Variants in SURF6 observed in about 807,000 individuals in gnomAD.
SURF6 encodes surfeit locus protein 6.
A neutral mutation model predicts 37.5 loss-of-function variants in SURF6; 28 were observed. The observed-to-expected ratio is 0.75, with a 90% CI of 0.55 to 1.02. The LOEUF (loss-of-function observed/expected upper bound fraction) is 1.02, where lower values mean the gene tolerates loss of function less well. SURF6 is among the 50% of genes least tolerant of loss of function. The probability of loss-of-function intolerance (pLI) is 0.00; values close to 1 mark genes in which losing one functional copy is unlikely to be tolerated. For synonymous variants in SURF6, 248 were observed against 210.9 expected, an observed-to-expected ratio of 1.18 and a Z score of -1.52; for missense variants, 560 against 490.5, an observed-to-expected ratio of 1.14 and a Z score of -1.34.
At chr9:133,332,420 G>A in intron 4 of SURF6, 72 bp from the exon 5 acceptor site, 1 of 1,529,482 alleles carries the variant, frequency 6.5e-7, no homozygotes, top group Non-Finnish European at 8.7e-7. Flanking sequence ...TACCCTAAGG[G>A]ACCTGCGAGG....
In SURF6 at chr9:133,328,821, G is replaced by GT. The variant is rs1423793677; in HGVS notation, c.*3047dup. ...ATTATTGTCTAAAATCTTGACATTG[G>GT]TATTTGTAGGGACCAGCCCCACAGG... On this transcript the variant is annotated 3_prime_UTR_variant, in exon 5 of 5. Transcript: ENST00000372022. The GT allele has an allele frequency of 6.6e-6, 1 of 152,190 alleles. No individual in the cohort carries two copies. Among genetic ancestry groups the GT allele is most frequent in the Non-Finnish European group, 1.5e-5 (1 of 68,064 alleles). The allele number at this position is 152,190 out of a possible 1,614,324, so 9.4% of individuals were successfully genotyped here.
chr9:133,334,751 A>C, intron 1 of SURF6, 150 bp from the exon 2 acceptor site: 1 of 878,910 alleles, frequency 1.1e-6, no homozygotes, highest in Non-Finnish European at 1.7e-6. Flanking sequence ...TCAGAACCAC[A>C]ACCTTGACCC....
chr9:133,332,886 G>T, intron 3 of SURF6, 126 bp from the exon 4 acceptor site: 2 of 888,440 alleles, frequency 2.3e-6, no homozygotes, highest in Middle Eastern at 3.5e-4. Flanking sequence ...CAAGGGGCCC[G>T]CGGAGTTCAA....
At position 133,333,769 on chromosome 9, in the gene SURF6, C is replaced by T. The variant is rs2129924763; in HGVS notation, c.342G>A (p.Leu114=). 1 of 1,613,998 alleles carries T rather than the reference C, an allele frequency of 6.2e-7. No individual in the cohort carries two copies. The highest frequency in any genetic ancestry group is 8.5e-7 in the Non-Finnish European group (1 of 1,179,980). The change falls in exon 3 of 5, where the codon CTG becomes CTA. Residue 114 remains leucine (L), a synonymous_variant. Transcript: ENST00000372022. ...CATGCAGTCGCTGTCGCAGAACATC[C>T]AGAGCAAAGACAGACTCAGGCTCAG... is the stretch of plus-strand genomic sequence containing the variant. ...LATEPESVFA[L]DVLRQRLHEK...
In SURF6 at chr9:133,330,149, A is replaced by AT. The variant is rs1722871951; in HGVS notation, c.*1719dup. The AT allele has an allele frequency of 6.6e-6, 1 of 152,126 alleles. No individual in the cohort carries two copies. Among genetic ancestry groups the AT allele is most frequent in the South Asian group, 2.1e-4 (1 of 4,832 alleles). 9.4% of individuals were successfully genotyped at this position (152,126 alleles called of 1,614,324 possible). On this transcript the variant is annotated 3_prime_UTR_variant, in exon 5 of 5. Coordinates refer to ENST00000372022, the MANE Select transcript of SURF6 (RefSeq NM_006753.6). ...CTTTAAAAATACAGACATACAGCGT[A>AT]TGTGTGTATAAATGGCACTATTTAT...
At chr9:133,335,660 A>T (rs1479771491) in intron 1 of SURF6, among the ~76,000 whole-genome samples, 1 of 151,362 alleles carries the variant, frequency 6.6e-6, no homozygotes, top group East Asian at 1.9e-4. Flanking sequence ...AGGGACTGAA[A>T]GGGTCTTTTC....
At position 133,331,874 on chromosome 9, in the gene SURF6, C is replaced by A; in HGVS notation, c.1081G>T (p.Val361Phe). Residue 361 changes from valine to phenylalanine, a missense_variant, in exon 5 of 5, where the codon GTC becomes TTC. Val to Phe is a conservative substitution (Grantham distance 50). Coordinates refer to ENST00000372022, the MANE Select transcript of SURF6 (RefSeq NM_006753.6). ...CGGCCCCAGGTGGGAAAGACTCAGA[C>A]CAGGCCTGCGCGCTCCAGGTCCTGC... ...LPQDLERAGL[V>F] 6.6e-7 allele frequency: 1 copy of A among 1,509,056 alleles called. No individual in the cohort carries two copies. The highest frequency in any genetic ancestry group is 8.8e-7 in the Non-Finnish European group (1 of 1,140,178). 93.5% of individuals were successfully genotyped at this position (1,509,056 alleles called of 1,614,324 possible). A position where few individuals can be genotyped will look rare whatever the true frequency, so the allele number is the denominator to read the frequency against.
rs2129914513 is a variant in SURF6 at position 133,332,053 on chromosome 9, G to A, written c.902C>T (p.Ala301Val). ...CTTCTCCCACCGGCGCTGCCGCTGC[G>A]CCCTGCGCTTCTCCTTGCGCTTCAG... is the stretch of plus-strand genomic sequence containing the variant. Reference protein sequence around the residue: ...EALKRKEKRRAQRQRRWEKRT... With the variant: ...EALKRKEKRRVQRQRRWEKRT... The change falls in exon 5 of 5, where the codon GCG (alanine) becomes GTG (valine). Residue 301 changes from alanine (A) to valine (V), a missense_variant. Transcript: ENST00000372022. 3 of 1,604,720 alleles carry A rather than the reference G, an allele frequency of 1.9e-6. No homozygotes were observed. Among genetic ancestry groups the A allele is most frequent in the Admixed American group, 1.7e-5 (1 of 59,968 alleles).
intron 1 of SURF6, among the ~76,000 whole-genome samples, chr9:133,334,961 T>C (rs1051409450): frequency 6.6e-6 from 1 of 152,158 alleles, no homozygotes; most frequent in Non-Finnish European, 1.5e-5. Context: ...GGGTTATGTT[T>C]ACATTTTTTC....
In SURF6 at chr9:133,334,615, T is replaced by C; in HGVS notation, c.95-14A>G. ...GAGTTTTGCCAGCTGAAATGCAAAA[T>C]AAGAAAGAGTTAAGTCCCAATCTCA... On this transcript the variant is annotated splice_polypyrimidine_tract_variant and intron_variant, in intron 1 of 4. Transcript: ENST00000372022. 6.2e-7 allele frequency: 1 copy of C among 1,603,676 alleles called. No individual in the cohort carries two copies. The highest frequency in any genetic ancestry group is 8.5e-7 in the Non-Finnish European group (1 of 1,179,388).
intron 1 of SURF6, 92 bp from the exon 2 acceptor site, chr9:133,334,693 T>C (rs1835830059): frequency 1.4e-6 from 2 of 1,468,230 alleles, no homozygotes; most frequent in South Asian, 2.5e-5. Flanking sequence ...CCCAGGAAGA[T>C]GCCGAAAGAG....
intron 3 of SURF6, 66 bp downstream of exon 3, chr9:133,333,652 G>A (rs1835802707): frequency 6.6e-7 from 1 of 1,508,572 alleles, no homozygotes; most frequent in African/African-American, 1.4e-5. Context: ...GCCCCTCGCT[G>A]ACAGCTGACC....
intron 4 of SURF6, 87 bp from the exon 5 acceptor site, chr9:133,332,435 C>T (rs1835767787): frequency 3.3e-6 from 5 of 1,530,248 alleles, no homozygotes; most frequent in Admixed American, 4.0e-5. Context: ...GCGAGGTCCC[C>T]GTCACCACCT....
chr9:133,333,812 G>C lies in SURF6; in HGVS notation c.305-6C>G. On this transcript the variant is annotated splice_polypyrimidine_tract_variant and splice_region_variant and intron_variant, in intron 2 of 4. Transcript: ENST00000372022. ...AGGCTCAGTGGCCAGGCCATCTGCA[G>C]GGAAGGAGACAGGACTGCAGGGGGC... The C allele has an allele frequency of 6.2e-7, 1 of 1,612,976 alleles. No individual in the cohort carries two copies. The highest frequency in any genetic ancestry group is 8.5e-7 in the Non-Finnish European group (1 of 1,179,478).
chr9:133,335,760 C>G (rs1835858442), intron 1 of SURF6, among the ~76,000 whole-genome samples: 1 of 151,724 alleles, frequency 6.6e-6, no homozygotes, highest in Non-Finnish European at 1.5e-5. Flanking sequence ...CCTGTAGTGC[C>G]GGCTACTCGG....
rs1315619134 is a variant in SURF6 at position 133,330,755 on chromosome 9, A to G, written c.*1114T>C. ...TTTAATGACATTGGGATACGGTCAG[A>G]TAACGACACTGATTCCTTGAAATAT... On this transcript the variant is annotated 3_prime_UTR_variant, in exon 5 of 5. Coordinates refer to ENST00000372022, the MANE Select transcript of SURF6 (RefSeq NM_006753.6). 1 of 152,202 alleles carries G rather than the reference A, an allele frequency of 6.6e-6. No individual in the cohort carries two copies. The highest frequency in any genetic ancestry group is 2.4e-5 in the African/African-American group (1 of 41,460). 9.4% of individuals were successfully genotyped at this position (152,202 alleles called of 1,614,324 possible).
intron 2 of SURF6, 94 bp from the exon 3 acceptor site, chr9:133,333,900 T>G (rs1835809993): frequency 9.7e-7 from 1 of 1,032,828 alleles, no homozygotes; most frequent in East Asian, 2.6e-5. Context: ...TGGCCACTCA[T>G]GGATCTGCAG....
chr9:133,332,111 T>C lies in SURF6; in HGVS notation c.844A>G (p.Ile282Val). 6.2e-7 allele frequency: 1 copy of C among 1,610,144 alleles called. No homozygotes were observed. Among genetic ancestry groups the C allele is most frequent in the South Asian group, 1.1e-5 (1 of 91,090 alleles). ...NLLYKAEGVK[I>V]RDDERLLQEA... Reference sequence around the variant, plus strand: ...TGCAGCAGGCGTTCGTCGTCACGGATCTTCACGCCCTCCGCCTTGTAGAGG... The same window carrying C: ...TGCAGCAGGCGTTCGTCGTCACGGACCTTCACGCCCTCCGCCTTGTAGAGG... The change falls in exon 5 of 5, where the codon ATC becomes GTC. Residue 282 changes from isoleucine (I) to valine (V), a missense_variant. Coordinates refer to ENST00000372022, the MANE Select transcript of SURF6 (RefSeq NM_006753.6).
chr9:133,332,544 T>C lies in SURF6; in HGVS notation c.606+4A>G. Reference sequence around the variant, plus strand: ...GCCCGCCCAAGGACCCAGCTCCCGCTCACCTTATTGAAGATCAGCCCGGGC... The same window carrying C: ...GCCCGCCCAAGGACCCAGCTCCCGCCCACCTTATTGAAGATCAGCCCGGGC... On this transcript the variant is annotated splice_donor_region_variant and intron_variant, in intron 4 of 4. Transcript: ENST00000372022. 1.2e-6 allele frequency: 2 copies of C among 1,606,390 alleles called. No homozygotes were observed. The highest frequency in any genetic ancestry group is 1.1e-5 in the South Asian group (1 of 90,976).
Sources: allele counts gnomAD v4.1 joint callset (sites outside exome capture counted in the v4.1 genomes callset), GRCh38; gene constraint gnomAD v4.1.1; transcripts MANE v1.5; gene names NCBI Gene and HGNC (gene_info 2026-07-23, HGNC 2026-07-21).